The following GFM1 variants were observed in gnomAD, a reference collection of about 807,000 sequenced individuals.
GFM1 encodes G elongation factor mitochondrial 1.
Under a neutral mutation model 96.2 loss-of-function variants are expected in GFM1, and 62 were observed. That is an observed-to-expected ratio of 0.64 (90% CI 0.53 to 0.80). The LOEUF (loss-of-function observed/expected upper bound fraction) is 0.80. GFM1 is among the 30% of genes least tolerant of loss of function. GFM1 has a pLI of 0.00. For missense variants in GFM1, 852 were observed against 916.6 expected (o/e 0.93, Z 0.91); for synonymous variants, 282 against 312.9 (o/e 0.90, Z 1.04).
At chr3:158,662,961 C>T (rs1036512279) in intron 11 of GFM1, among the ~76,000 whole-genome samples, 22 of 152,068 alleles carry the variant, frequency 1.4e-4, no homozygotes, top group African/African-American at 5.1e-4. Context: ...TGTAACTTCC[C>T]GGATTCAGAT....
Position 158,665,361 on chromosome 3 carries a change from G to T in GFM1, c.1405G>T (p.Gly469Cys). 1 of 1,610,548 alleles carries T rather than the reference G, an allele frequency of 6.2e-7. No individual in the cohort carries two copies. The highest frequency in any genetic ancestry group is 8.5e-7 in the Non-Finnish European group (1 of 1,177,266). The stretch of plus-strand genomic sequence containing the variant: ...GAACGATCTGGAAAAATTTTCAAAA[G>T]GTATTGGCAGGTTTACAAGAGAAGA... ...NKNDLEKFSK[G>C]IGRFTREDPT... Residue 469 changes from glycine (G) to cysteine (C), a missense_variant, in exon 12 of 18, where the codon GGT (glycine) becomes TGT (cysteine). Coordinates refer to ENST00000486715, the MANE Select transcript of GFM1 (RefSeq NM_024996.7).
intron 13 of GFM1, chr3:158,669,100 G>A (rs1260713329): frequency 1.9e-6 from 3 of 1,613,502 alleles, no homozygotes; most frequent in Non-Finnish European, 2.5e-6. Context: ...TGTAGAACGA[G>A]CGTCATTTCT....
In GFM1 at chr3:158,653,458, A is replaced by G. The variant is rs1249085396; in HGVS notation, c.989A>G (p.Asn330Ser). 6.2e-7 allele frequency: 1 copy of G among 1,611,910 alleles called. No individual in the cohort carries two copies. Among genetic ancestry groups the G allele is most frequent in the Non-Finnish European group, 8.5e-7 (1 of 1,178,134 alleles). The change falls in exon 7 of 18, where the codon AAT (asparagine) becomes AGT (serine). Residue 330 changes from asparagine to serine, a missense_variant. Coordinates refer to ENST00000486715, the MANE Select transcript of GFM1 (RefSeq NM_024996.7). The stretch of plus-strand genomic sequence containing the variant: ...GAAGTCCAGAACTATGCTATTCTCA[A>G]TAAAGAGGAGTAAGTCTTGAAAATT... The part of the protein sequence containing the change: ...PSEVQNYAIL[N>S]KEDDSKEKTK...
chr3:158,645,578 T>C (rs747660027), intron 1 of GFM1, 51 bp from the exon 2 acceptor site: 117 of 1,446,914 alleles, frequency 8.1e-5, no homozygotes, highest in Middle Eastern at 1.7e-4. Context: ...AATTGTCTGT[T>C]GTTCTCTCTT....
At chr3:158,656,745 AC>A (rs1341695305) in intron 8 of GFM1, 2 of 152,334 alleles carry the variant, frequency 1.3e-5, no homozygotes, top group Admixed American at 1.3e-4. Flanking sequence ...GCGTGGACTC[AC>A]GTATATGTAT....
rs1726508815 is a variant in GFM1, at chr3:158,695,428, G to A, written c.*3961G>A. The A allele has an allele frequency of 6.6e-6, 1 of 152,162 alleles. No individual in the cohort carries two copies. The highest frequency in any genetic ancestry group is 1.5e-5 in the Non-Finnish European group (1 of 68,028). 9.4% of individuals were successfully genotyped at this position (152,162 alleles called of 1,614,324 possible). A position where few individuals can be genotyped will look rare whatever the true frequency, so the allele number is the denominator to read the frequency against. Reference sequence around the variant, plus strand: ...AAAAAAGAAAAGATGTTCTGATGGTGATACTGATAAATTTTTAGTTGGTTT... The same window carrying A: ...AAAAAAGAAAAGATGTTCTGATGGTAATACTGATAAATTTTTAGTTGGTTT... On this transcript the variant is annotated 3_prime_UTR_variant, in exon 18 of 18. Transcript: ENST00000486715.
intron 7 of GFM1, among the ~76,000 whole-genome samples, 180 bp downstream of exon 7, chr3:158,653,647 T>G (rs1367710870): frequency 6.6e-6 from 1 of 152,200 alleles, no homozygotes; most frequent in Non-Finnish European, 1.5e-5. Flanking sequence ...TACTAGTTCC[T>G]ATATCATATT....
At chr3:158,648,927 C>T (rs992790931) in intron 4 of GFM1, 114 bp from the exon 5 acceptor site, 1 of 711,664 alleles carries the variant, frequency 1.4e-6, no homozygotes, top group Admixed American at 1.8e-5. Flanking sequence ...CTGATGGTAA[C>T]ACCCTTCTCA....
intron 13 of GFM1, chr3:158,670,947 T>C: frequency 1.3e-6 from 2 of 1,486,624 alleles, no homozygotes; most frequent in Non-Finnish European, 1.8e-6. Context: ...AAAAAAGAAA[T>C]TTAACTTACT....
intron 8 of GFM1, 31 bp downstream of exon 8, chr3:158,654,662 A>C (rs779166142): frequency 3.0e-6 from 4 of 1,317,962 alleles, no homozygotes; most frequent in Non-Finnish European, 4.4e-6. Context: ...TTTAACTGCT[A>C]TCTGTAGAAT....
chr3:158,669,004 T>G (rs1723996578), intron 13 of GFM1: 7 of 1,610,974 alleles, frequency 4.3e-6, no homozygotes, highest in Non-Finnish European at 5.9e-6. Flanking sequence ...ACCACTTGCT[T>G]GACAGTTTGA....
intron 13 of GFM1, among the ~76,000 whole-genome samples, chr3:158,674,686 T>A (rs765920889): frequency 3.3e-5 from 5 of 152,224 alleles, no homozygotes; most frequent in Non-Finnish European, 5.9e-5. Context: ...ATTAATAACA[T>A]GGCTTATATT....
At chr3:158,672,671 A>G in intron 13 of GFM1, 1 of 586,712 alleles carries the variant, frequency 1.7e-6, no homozygotes, top group Admixed American at 3.1e-5. Flanking sequence ...CCTGCATCCG[A>G]GAGCCCTGGG....
At chr3:158,682,430 G>A (rs902516239) in intron 14 of GFM1, 17 of 389,656 alleles carry the variant, frequency 4.4e-5, no homozygotes, top group Non-Finnish European at 6.7e-5. Context: ...TGTATTGATT[G>A]TAATCAATTT....
chr3:158,665,107 A>T (rs973702499), intron 11 of GFM1, among the ~76,000 whole-genome samples: 1 of 152,108 alleles, frequency 6.6e-6, no homozygotes, highest in Non-Finnish European at 1.5e-5. Context: ...CTTGTTTTCT[A>T]TCTTGGTGTG....
At chr3:158,672,548 G>C in intron 13 of GFM1, 3 of 1,587,186 alleles carry the variant, frequency 1.9e-6, no homozygotes, top group Non-Finnish European at 2.6e-6. Context: ...AGCGCCGCCC[G>C]TCCTGCTTGC....
At chr3:158,654,081 GAAAC>G (rs1404239006) in intron 7 of GFM1, among the ~76,000 whole-genome samples, 1 of 150,376 alleles carries the variant, frequency 6.6e-6, no homozygotes, top group Non-Finnish European at 1.5e-5. Context: ...AAAAAAAAAA[GAAAC>G]AAACTGCAAA....
intron 13 of GFM1, chr3:158,670,906 C>T: frequency 6.9e-7 from 1 of 1,438,994 alleles, no homozygotes; most frequent in Non-Finnish European, 9.2e-7. Context: ...GCACTTCAGC[C>T]TGGGTGATAG....
intron 12 of GFM1, 130 bp downstream of exon 12, chr3:158,665,604 AT>A: frequency 1.3e-6 from 1 of 779,586 alleles, no homozygotes; most frequent in Non-Finnish European, 2.2e-6. Context: ...TTGTATCCAG[AT>A]GTGGTCTACT....
Sources: gnomAD v4.1 joint callset for allele counts (sites outside exome capture counted in the v4.1 genomes callset) on GRCh38, gnomAD v4.1.1 for gene constraint, MANE v1.5 for transcripts, NCBI Gene and HGNC (gene_info 2026-07-23, HGNC 2026-07-21) for gene names.